ENOX1: variants seen among roughly 807,000 people sequenced by gnomAD.
ENOX1 encodes ecto-NOX disulfide-thiol exchanger 1, also known as candidate growth-related and time keeping constitutive hydroquinone (NADH) oxidase.
ENOX1 carries 42 observed loss-of-function variants against 82.5 expected under a neutral mutation model. The ratio of observed to expected loss-of-function variants is 0.51; its 90% confidence interval spans 0.40 to 0.66. The LOEUF (loss-of-function observed/expected upper bound fraction) is 0.66. ENOX1 is among the 30% of genes least tolerant of loss of function. ENOX1 has a pLI of 0.00. For missense variants in ENOX1, 608 were observed against 811.6 expected (o/e 0.75, Z 3.05); for synonymous variants, 271 against 282.2 (o/e 0.96, Z 0.40).
intron 5 of ENOX1, among the ~76,000 whole-genome samples, chr13:43,365,664 G>C (rs1303152319): frequency 2.0e-5 from 3 of 152,222 alleles, no homozygotes; most frequent in African/African-American, 7.2e-5. Context: ...ATTCAGGCAG[G>C]AGAAGCAAGA....
intron 1 of ENOX1, among the ~76,000 whole-genome samples, chr13:43,754,220 C>T (rs1305760804): frequency 6.8e-6 from 1 of 146,646 alleles, no homozygotes; most frequent in Non-Finnish European, 1.5e-5. Flanking sequence ...TATGTGTGTA[C>T]ATACATGTGT....
chr13:43,476,535 C>T (rs1182081531), intron 3 of ENOX1, among the ~76,000 whole-genome samples: 2 of 152,122 alleles, frequency 1.3e-5, no homozygotes, highest in Non-Finnish European at 2.9e-5. Context: ...AAGTAACTCT[C>T]CTGGACACCA....
chr13:43,532,450 T>C (rs754836907), intron 2 of ENOX1, among the ~76,000 whole-genome samples: 1 of 152,160 alleles, frequency 6.6e-6, no homozygotes, highest in African/African-American at 2.4e-5. Flanking sequence ...ATTTTCATAA[T>C]ACTAAAATGT....
At chr13:43,219,440 A>G (rs2041669332) in intron 16 of ENOX1, among the ~76,000 whole-genome samples, 1 of 152,068 alleles carries the variant, frequency 6.6e-6, no homozygotes, top group Non-Finnish European at 1.5e-5. Flanking sequence ...AGTTTTGATT[A>G]CCCTCTTACC....
At chr13:43,615,755 C>G (rs946879130) in intron 2 of ENOX1, among the ~76,000 whole-genome samples, 4 of 151,926 alleles carry the variant, frequency 2.6e-5, no homozygotes, top group Non-Finnish European at 5.9e-5. Flanking sequence ...CCCTCACCCC[C>G]CGACAGGCCC....
intron 2 of ENOX1, among the ~76,000 whole-genome samples, chr13:43,497,880 G>T (rs1229267755): frequency 2.0e-5 from 3 of 151,944 alleles, no homozygotes; most frequent in African/African-American, 7.2e-5. Flanking sequence ...GGAAGCCTCT[G>T]AATTATAAAT....
In ENOX1 at chr13:43,355,914, C is replaced by T. The variant is rs1482347436; in HGVS notation, c.823+5G>A. ...GGAAGAAAAGCCAGCGTGGGTGGCC[C>T]ATACCTTTCAGCTTTTCAGCCAGCA... On this transcript the variant is annotated splice_donor_5th_base_variant and intron_variant, in intron 8 of 16. Coordinates refer to ENST00000690772, the MANE Select transcript of ENOX1 (RefSeq NM_001347969.2). 6.2e-7 allele frequency: 1 copy of T among 1,610,178 alleles called. No individual in the cohort carries two copies. Among genetic ancestry groups the T allele is most frequent in the Non-Finnish European group, 8.5e-7 (1 of 1,177,882 alleles).
intron 3 of ENOX1, among the ~76,000 whole-genome samples, chr13:43,435,593 C>T (rs148478017): frequency 2.5e-4 from 38 of 152,254 alleles, no homozygotes; most frequent in African/African-American, 7.5e-4. Context: ...AAATAAACCA[C>T]GGTACTCACA....
intron 5 of ENOX1, among the ~76,000 whole-genome samples, chr13:43,394,341 C>T (rs1438144320): frequency 6.6e-6 from 1 of 152,188 alleles, no homozygotes; most frequent in Non-Finnish European, 1.5e-5. Context: ...CCGAACTTGG[C>T]ATGTTCTTCA....
In ENOX1 at chr13:43,425,727, T is replaced by C. The variant is rs988393500; in HGVS notation, c.-74-12739A>G. Among the ~76,000 whole-genome samples, 6 of 152,194 alleles carry C rather than the reference T, an allele frequency of 3.9e-5. No homozygotes were observed. The South Asian group carries it at 8.3e-4, about 21-fold the overall frequency. On this transcript the variant is annotated intron_variant, in intron 3 of 16. Coordinates refer to ENST00000690772, the MANE Select transcript of ENOX1 (RefSeq NM_001347969.2). The stretch of plus-strand genomic sequence containing the variant: ...TCAACATGCAATGAAAAGCACACTA[T>C]CTAAAACAAATATTTAACTAAATGT...
chr13:43,302,894 G>A (rs891962418), intron 11 of ENOX1, among the ~76,000 whole-genome samples: 1 of 152,200 alleles, frequency 6.6e-6, no homozygotes, highest in African/African-American at 2.4e-5. Flanking sequence ...TTTGGGTTAT[G>A]TCCCAGTAAG....
At chr13:43,444,519 T>C (rs866000663) in intron 3 of ENOX1, among the ~76,000 whole-genome samples, 8 of 152,256 alleles carry the variant, frequency 5.3e-5, no homozygotes, top group Middle Eastern at 3.4e-3. Flanking sequence ...GGGGTGACAA[T>C]AGCTCAAATG....
intron 13 of ENOX1, among the ~76,000 whole-genome samples, chr13:43,266,908 T>C (rs888718120): frequency 6.6e-6 from 1 of 152,212 alleles, no homozygotes; most frequent in Non-Finnish European, 1.5e-5. Flanking sequence ...ATTTTGTGAA[T>C]GTCTGTTCCA....
chr13:43,464,561 T>C (rs75793931), intron 3 of ENOX1, among the ~76,000 whole-genome samples: 1 of 152,318 alleles, frequency 6.6e-6, no homozygotes, highest in South Asian at 2.1e-4. Context: ...TGGGCCTTCT[T>C]ATTATTAGTG....
chr13:43,615,409 G>T (rs2082363865), intron 2 of ENOX1, among the ~76,000 whole-genome samples: 1 of 152,108 alleles, frequency 6.6e-6, no homozygotes, highest in Non-Finnish European at 1.5e-5. Context: ...ATCCAGCATG[G>T]CATGATGGAA....
At chr13:43,353,979 G>A (rs2049978151) in intron 8 of ENOX1, among the ~76,000 whole-genome samples, 1 of 152,204 alleles carries the variant, frequency 6.6e-6, no homozygotes, top group Admixed American at 6.5e-5. Flanking sequence ...TCTGTACTGG[G>A]TTCTTAAAAA....
chr13:43,370,513 G>A (rs2051164274), intron 5 of ENOX1, among the ~76,000 whole-genome samples: 1 of 152,174 alleles, frequency 6.6e-6, no homozygotes, highest in Non-Finnish European at 1.5e-5. Context: ...CAATTCCTTA[G>A]GCTGGAAGCT....
chr13:43,632,369 TC>T lies in ENOX1; in HGVS notation c.-219+35109del, dbSNP rs200844886. On this transcript the variant is annotated intron_variant, in intron 2 of 16. Coordinates refer to ENST00000690772, the MANE Select transcript of ENOX1 (RefSeq NM_001347969.2). ...TCATATATATTCATCAATTATATTT[TC>T]TTTTTTTAATGTATTTCTTTTTCTA... 3.9e-3 allele frequency among the ~76,000 whole-genome samples: 587 copies of T among 152,010 alleles called. 9 individuals carry two copies. In the East Asian group the frequency reaches 0.052, roughly 13 times the overall value.
At chr13:43,303,882 T>C (rs1659745601) in intron 11 of ENOX1, among the ~76,000 whole-genome samples, 2 of 152,230 alleles carry the variant, frequency 1.3e-5, no homozygotes, top group African/African-American at 4.8e-5. Flanking sequence ...GTGCTGATGC[T>C]GCTGGTGCAG....
Sources: allele counts gnomAD v4.1 joint callset (sites outside exome capture counted in the v4.1 genomes callset), GRCh38; gene constraint gnomAD v4.1.1; transcripts MANE v1.5; gene names NCBI Gene and HGNC (gene_info 2026-07-23, HGNC 2026-07-21).